Variants in KIAA0319L observed in about 807,000 individuals in gnomAD.
KIAA0319L encodes the protein dyslexia-associated protein KIAA0319-like protein.
In KIAA0319L, 55 loss-of-function variants were observed where a neutral mutation model predicts 120.1. That is an observed-to-expected ratio of 0.46 (90% CI 0.37 to 0.57). The LOEUF (loss-of-function observed/expected upper bound fraction) is 0.57. Ranked by LOEUF, KIAA0319L falls within the 20% of genes least tolerant of loss-of-function variation. KIAA0319L has a pLI of 0.00. For missense variants in KIAA0319L, 1,049 were observed against 1,255.3 expected, an observed-to-expected ratio of 0.84 and a Z score of 2.48; for synonymous variants, 398 against 471.9, an observed-to-expected ratio of 0.84 and a Z score of 2.03.
chr1:35,503,529 AT>A (rs1645086113), intron 3 of KIAA0319L, among the ~76,000 whole-genome samples: 1 of 152,180 alleles, frequency 6.6e-6, no homozygotes, highest in Non-Finnish European at 1.5e-5. Flanking sequence ...AGACCAATTT[AT>A]TTTTAACAAG....
At chr1:35,485,343 TG>T (rs1366737876) in intron 3 of KIAA0319L, among the ~76,000 whole-genome samples, 1 of 152,202 alleles carries the variant, frequency 6.6e-6, no homozygotes, top group African/African-American at 2.4e-5. Context: ...GGGCAGCCTA[TG>T]CCTGCATCAT....
At chr1:35,551,749 C>T (rs1363117090) in intron 2 of KIAA0319L, among the ~76,000 whole-genome samples, 1 of 152,120 alleles carries the variant, frequency 6.6e-6, no homozygotes, top group Non-Finnish European at 1.5e-5. Context: ...ACATACATGG[C>T]TCTTGATCTT....
At position 35,450,454 on chromosome 1, in the gene KIAA0319L, G is replaced by A. The variant is rs1184186234; in HGVS notation, c.2118C>T (p.Pro706=). 1.2e-6 allele frequency: 2 copies of A among 1,613,900 alleles called. No individual in the cohort carries two copies. The highest frequency in any genetic ancestry group is 1.7e-6 in the Non-Finnish European group (2 of 1,179,870). ...KITGNVVITL[P]TSTAELDGSK... ...AGCCATCCAGCTCTGCTGTGCTCGT[G>A]GGTAGGGTAATCACCACATTCCCAG... is the stretch of plus-strand genomic sequence containing the variant. The change falls in exon 14 of 21, where the codon CCC becomes CCT. Residue 706 remains proline (P), a synonymous_variant. Coordinates refer to ENST00000325722, the MANE Select transcript of KIAA0319L (RefSeq NM_024874.5).
At chr1:35,446,901 C>G (rs767540406) in intron 16 of KIAA0319L, among the ~76,000 whole-genome samples, 1 of 152,112 alleles carries the variant, frequency 6.6e-6, no homozygotes, top group African/African-American at 2.4e-5. Flanking sequence ...GGCTATCTGA[C>G]GGAACATCTC....
At chr1:35,481,334 T>G (rs533932465) in intron 3 of KIAA0319L, among the ~76,000 whole-genome samples, 4 of 152,240 alleles carry the variant, frequency 2.6e-5, no homozygotes, top group African/African-American at 4.8e-5. Context: ...CATAAGTATA[T>G]GTTTAACTTT....
At chr1:35,548,312 C>A (rs998925760) in intron 2 of KIAA0319L, among the ~76,000 whole-genome samples, 1 of 151,934 alleles carries the variant, frequency 6.6e-6, no homozygotes, top group African/African-American at 2.4e-5. Context: ...CTAACCCTGA[C>A]CTCCCTCCCT....
intron 2 of KIAA0319L, among the ~76,000 whole-genome samples, chr1:35,539,908 C>G (rs918840560): frequency 2.6e-5 from 4 of 152,198 alleles, no homozygotes; most frequent in African/African-American, 9.7e-5. Flanking sequence ...GAAACTGAAT[C>G]AATGTTACCC....
At chr1:35,487,708 A>C (rs146755112) in intron 3 of KIAA0319L, among the ~76,000 whole-genome samples, 30 of 152,346 alleles carry the variant, frequency 2.0e-4, no homozygotes, top group African/African-American at 7.2e-4. Flanking sequence ...TCAAGTCCAT[A>C]AGACTTCATA....
At chr1:35,526,606 T>G (rs565846953) in intron 2 of KIAA0319L, among the ~76,000 whole-genome samples, 2 of 151,820 alleles carry the variant, frequency 1.3e-5, no homozygotes, top group Admixed American at 1.3e-4. Context: ...CCATCACCCT[T>G]GTCTAATTTT....
chr1:35,462,709 G>A lies in KIAA0319L; in HGVS notation c.1206C>T (p.Pro402=). The change falls in exon 8 of 21, where the codon CCC becomes CCT. Residue 402 remains proline (P), a synonymous_variant. Coordinates refer to ENST00000325722, the MANE Select transcript of KIAA0319L (RefSeq NM_024874.5). ...GYVNVTVKPE[P]RKNRPPIAIV... ...TAGCAATGGGGGGCCGATTCTTACG[G>A]GGCTCTGCAAGAAAGTGACCCAAAA... 3 of 1,613,760 alleles carry A rather than the reference G, an allele frequency of 1.9e-6. No individual in the cohort carries two copies. Among genetic ancestry groups the A allele is most frequent in the Non-Finnish European group, 1.7e-6 (2 of 1,179,678 alleles).
chr1:35,554,625 C>G lies in KIAA0319L; in HGVS notation c.-28-106G>C. The G allele has an allele frequency of 2.5e-6, 2 of 792,396 alleles. 1 individual carries two copies. The highest frequency in any genetic ancestry group is 5.0e-5 in the South Asian group (2 of 39,826). The allele number at this position is 792,396 out of a possible 1,614,324, so 49.1% of individuals were successfully genotyped here. On this transcript the variant is annotated intron_variant, in intron 1 of 20. Coordinates refer to ENST00000325722, the MANE Select transcript of KIAA0319L (RefSeq NM_024874.5). ...GACAGATTAGGGGAAAGAAAAATTT[C>G]AAGTTTGTCTTTAACGGCTCAACCC... is the stretch of plus-strand genomic sequence containing the variant.
At chr1:35,491,225 G>A (rs1472244460) in intron 3 of KIAA0319L, among the ~76,000 whole-genome samples, 1 of 152,168 alleles carries the variant, frequency 6.6e-6, no homozygotes, top group Non-Finnish European at 1.5e-5. Context: ...AACGAATGGG[G>A]ATCAGCAAAC....
At chr1:35,484,795 TATATA>T (rs1451648981) in intron 3 of KIAA0319L, among the ~76,000 whole-genome samples, 1,733 of 59,558 alleles carry the variant, frequency 0.029, 28 homozygotes, top group African/African-American at 0.042. Flanking sequence ...TATATATATA[TATATA>T]TATATATTTT....
intron 2 of KIAA0319L, among the ~76,000 whole-genome samples, chr1:35,517,854 G>A (rs554054447): frequency 6.6e-6 from 1 of 152,222 alleles, no homozygotes; most frequent in East Asian, 1.9e-4. Flanking sequence ...GCATTTATAA[G>A]GAAGCTAAAC....
rs1368983720 is a variant in KIAA0319L at position 35,437,909 on chromosome 1, C to T, written c.2963-2828G>A. On this transcript the variant is annotated intron_variant, in intron 20 of 20. Coordinates refer to ENST00000325722, the MANE Select transcript of KIAA0319L (RefSeq NM_024874.5). This position sits in a 1 kb window ranked among gnomAD's most constrained non-coding sequence, Gnocchi z 4.1. ...GCATCAGAGGTTCTGATTCTGTCAA[C>T]AGCACTATCATTCTCCATCTCTCGG... Among the ~76,000 whole-genome samples the T allele has an allele frequency of 6.6e-6, 1 of 152,274 alleles. No individual in the cohort carries two copies. Among genetic ancestry groups the T allele is most frequent in the South Asian group, 2.1e-4 (1 of 4,816 alleles).
At chr1:35,512,925 T>C (rs1013002373) in intron 2 of KIAA0319L, among the ~76,000 whole-genome samples, 77 of 136,476 alleles carry the variant, frequency 5.6e-4, no homozygotes, top group Admixed American at 2.1e-3. Flanking sequence ...ACAGATTCAA[T>C]AAACCAGGGG....
chr1:35,538,929 T>G (rs544655396), intron 2 of KIAA0319L, among the ~76,000 whole-genome samples: 1 of 152,076 alleles, frequency 6.6e-6, no homozygotes, highest in Non-Finnish European at 1.5e-5. Context: ...TTATCTAGTA[T>G]AGACTATCTC....
chr1:35,452,127 GC>G (rs1358025753), intron 12 of KIAA0319L, among the ~76,000 whole-genome samples: 1 of 152,208 alleles, frequency 6.6e-6, no homozygotes, highest in Non-Finnish European at 1.5e-5. Context: ...TTTCTAAAAA[GC>G]ATTTCTGGCC....
chr1:35,469,363 A>C (rs182110979), intron 6 of KIAA0319L, among the ~76,000 whole-genome samples: 16 of 152,290 alleles, frequency 1.1e-4, no homozygotes, highest in African/African-American at 3.8e-4. Flanking sequence ...TCCAATCTGT[A>C]GTCAGGTGAT....
Sources: allele counts gnomAD v4.1 joint callset (sites outside exome capture counted in the v4.1 genomes callset), GRCh38; gene constraint gnomAD v4.1.1; non-coding constraint Gnocchi (gnomAD v3.1); transcripts MANE v1.5; gene names NCBI Gene and HGNC (gene_info 2026-07-23, HGNC 2026-07-21).